FAM107B: variants seen among roughly 807,000 people sequenced by gnomAD.
The protein encoded by FAM107B is family with sequence similarity 107 member B.
In FAM107B, 21 loss-of-function variants were observed where a neutral mutation model predicts 31.5. That is an observed-to-expected ratio of 0.67 (90% CI 0.47 to 0.96). FAM107B has a LOEUF of 0.96. FAM107B is among the 40% of genes least tolerant of loss of function. The pLI, the probability that FAM107B is intolerant of heterozygous loss-of-function variation, is 0.00. For synonymous variants in FAM107B, 157 were observed against 141.5 expected (o/e 1.11, Z -0.78); for missense variants, 452 against 377.1 (o/e 1.20, Z -1.64).
chr10:14,720,858 T>C (rs1855894219), intron 1 of FAM107B, among the ~76,000 whole-genome samples: 1 of 152,130 alleles, frequency 6.6e-6, no homozygotes, highest in Non-Finnish European at 1.5e-5. Flanking sequence ...ATTTTTTATT[T>C]TTATACTTTA....
intron 2 of FAM107B, among the ~76,000 whole-genome samples, chr10:14,580,682 CTG>C: frequency 1.3e-5 from 2 of 151,986 alleles, no homozygotes; most frequent in East Asian, 3.9e-4. Flanking sequence ...GAACACATAG[CTG>C]TGTTTTATTA....
chr10:14,518,787 A>C lies in FAM107B; in HGVS notation c.*2403T>G, dbSNP rs1161973011. ...ATAAAGTCGACTGTTATAGCTTAGA[A>C]AGCAACACTACTACTATGAGACTAT... On this transcript the variant is annotated 3_prime_UTR_variant, in exon 5 of 5. Coordinates refer to ENST00000181796, the MANE Select transcript of FAM107B (RefSeq NM_031453.4). The C allele has an allele frequency of 3.3e-5, 5 of 152,646 alleles. No homozygotes were observed. In the East Asian group the frequency reaches 9.6e-4, roughly 29 times the overall value. The allele number at this position is 152,646 out of a possible 1,614,324, so 9.5% of individuals were successfully genotyped here.
intron 1 of FAM107B, among the ~76,000 whole-genome samples, chr10:14,682,294 C>T (rs745765297): frequency 3.0e-4 from 45 of 152,018 alleles, no homozygotes; most frequent in African/African-American, 9.9e-4. Flanking sequence ...TTTGGGAGGC[C>T]GAGGTGGGTG....
chr10:14,565,671 C>A (rs920572725), intron 2 of FAM107B, among the ~76,000 whole-genome samples: 1 of 152,272 alleles, frequency 6.6e-6, no homozygotes, highest in Non-Finnish European at 1.5e-5. Context: ...AGCCAAAATC[C>A]TACAGCAAAC....
At chr10:14,697,281 C>T (rs1045021361) in intron 1 of FAM107B, among the ~76,000 whole-genome samples, 1 of 152,208 alleles carries the variant, frequency 6.6e-6, no homozygotes, top group Non-Finnish European at 1.5e-5. Flanking sequence ...CCTGAGACCC[C>T]CCAACCCAGC....
chr10:14,625,226 A>G (rs74773087), intron 2 of FAM107B, among the ~76,000 whole-genome samples: 4 of 108,870 alleles, frequency 3.7e-5, no homozygotes, highest in Admixed American at 1.3e-4. Context: ...ACTGTCTCAG[A>G]AAAAAAAAAA....
intron 2 of FAM107B, among the ~76,000 whole-genome samples, chr10:14,641,862 A>G (rs1317641201): frequency 1.3e-5 from 2 of 152,180 alleles, no homozygotes; most frequent in Non-Finnish European, 2.9e-5. Flanking sequence ...TATGCAAAAT[A>G]TATTCATTCC....
intron 1 of FAM107B, among the ~76,000 whole-genome samples, chr10:14,718,969 A>T (rs1326573182): frequency 6.6e-6 from 1 of 152,206 alleles, no homozygotes; most frequent in Non-Finnish European, 1.5e-5. Flanking sequence ...AGGAAACAAG[A>T]TACTCAAAGA....
At chr10:14,602,577 G>A (rs1223557677) in intron 2 of FAM107B, 1 of 152,116 alleles carries the variant, frequency 6.6e-6, no homozygotes, top group African/African-American at 2.4e-5. Flanking sequence ...GCATGCACCC[G>A]GTTGTACAAT....
At chr10:14,601,969 C>T (rs536364209) in intron 2 of FAM107B, among the ~76,000 whole-genome samples, 1 of 152,190 alleles carries the variant, frequency 6.6e-6, no homozygotes, top group African/African-American at 2.4e-5. Context: ...ACATCAGGAA[C>T]AAGATTTCAC....
At chr10:14,549,727 G>A (rs904839564) in intron 2 of FAM107B, among the ~76,000 whole-genome samples, 2 of 152,104 alleles carry the variant, frequency 1.3e-5, no homozygotes, top group Non-Finnish European at 2.9e-5. Context: ...CACCGACAGT[G>A]ATCTCAGTCA....
At chr10:14,740,834 G>A (rs1027347693) in intron 1 of FAM107B, among the ~76,000 whole-genome samples, 2 of 152,132 alleles carry the variant, frequency 1.3e-5, no homozygotes, top group Non-Finnish European at 2.9e-5. Flanking sequence ...CATTTGTTAT[G>A]CAGCTGTGCC....
chr10:14,665,689 C>T (rs1854385962), intron 2 of FAM107B, among the ~76,000 whole-genome samples: 1 of 152,176 alleles, frequency 6.6e-6, no homozygotes, highest in Non-Finnish European at 1.5e-5. Flanking sequence ...CACCACTGCC[C>T]CTACTATGCC....
intron 1 of FAM107B, among the ~76,000 whole-genome samples, chr10:14,707,162 C>CAACAA (rs1161133383): frequency 6.6e-6 from 1 of 151,796 alleles, no homozygotes; most frequent in Non-Finnish European, 1.5e-5. Context: ...AAAAACAAAA[C>CAACAA]AACAAAACAA....
At chr10:14,637,703 T>C (rs1853535397) in intron 2 of FAM107B, among the ~76,000 whole-genome samples, 2 of 152,146 alleles carry the variant, frequency 1.3e-5, no homozygotes, top group Admixed American at 1.3e-4. Flanking sequence ...ATGATTTTAT[T>C]CATCTTGCTG....
intron 2 of FAM107B, among the ~76,000 whole-genome samples, chr10:14,550,608 C>G (rs983062388): frequency 2.6e-5 from 4 of 152,180 alleles, no homozygotes; most frequent in African/African-American, 9.7e-5. Flanking sequence ...CCACCTGATA[C>G]GAAGTCCACA....
intron 3 of FAM107B, chr10:14,528,088 C>T (rs1379403834): frequency 5.8e-6 from 2 of 342,340 alleles, no homozygotes; most frequent in Non-Finnish European, 5.6e-6. Context: ...GTTGTTGTCA[C>T]ATAGGAAGTG....
chr10:14,577,951 T>C (rs1444585066), intron 2 of FAM107B, among the ~76,000 whole-genome samples: 1 of 152,184 alleles, frequency 6.6e-6, no homozygotes, highest in East Asian at 1.9e-4. Context: ...GTATGGCTAA[T>C]GCCACCTAAA....
At chr10:14,759,299 G>A (rs1342656586) in intron 1 of FAM107B, among the ~76,000 whole-genome samples, 1 of 152,206 alleles carries the variant, frequency 6.6e-6, no homozygotes, top group Non-Finnish European at 1.5e-5. Context: ...AGTGCCAGCA[G>A]ACTGACTTTT....
Sources: gnomAD v4.1 joint callset for allele counts (sites outside exome capture counted in the v4.1 genomes callset) on GRCh38, gnomAD v4.1.1 for gene constraint, MANE v1.5 for transcripts, NCBI Gene and HGNC (gene_info 2026-07-23, HGNC 2026-07-21) for gene names.